Variants in RASSF8 observed in about 807,000 individuals in gnomAD.
RASSF8 encodes the protein Ras association domain family member 8.
A neutral mutation model predicts 48.5 loss-of-function variants in RASSF8; 22 were observed. The ratio of observed to expected loss-of-function variants is 0.45; its 90% CI spans 0.32 to 0.65. The LOEUF is 0.65. RASSF8 is among the 30% of genes least tolerant of loss of function. RASSF8 has a pLI of 0.03. For synonymous variants in RASSF8, 127 were observed against 171.5 expected (o/e 0.74, Z 2.03); for missense variants, 418 against 489.2 (o/e 0.85, Z 1.37).
At chr12:25,966,105 G>C (rs913174398) in intron 1 of RASSF8, among the ~76,000 whole-genome samples, 6 of 152,182 alleles carry the variant, frequency 3.9e-5, no homozygotes, top group Admixed American at 2.6e-4. Flanking sequence ...TTAAGAAACT[G>C]CCAAACTGTT....
chr12:26,057,335 T>A (rs1943629203), intron 3 of RASSF8, among the ~76,000 whole-genome samples: 1 of 152,072 alleles, frequency 6.6e-6, no homozygotes, highest in African/African-American at 2.4e-5. Flanking sequence ...TGTCCAAGTG[T>A]TCTCATTGTT....
intron 1 of RASSF8, among the ~76,000 whole-genome samples, chr12:25,984,187 A>G (rs1941813791): frequency 1.4e-5 from 2 of 147,256 alleles, no homozygotes; most frequent in African/African-American, 5.0e-5. Context: ...CAGCCTCCTC[A>G]GTAGCTGGGA....
intron 3 of RASSF8, among the ~76,000 whole-genome samples, chr12:26,058,543 C>T (rs1298674998): frequency 7.5e-5 from 4 of 53,400 alleles, no homozygotes. Context: ...CGCGCGCACA[C>T]ACACACACAC....
chr12:26,042,162 A>C (rs1943279098), intron 2 of RASSF8, among the ~76,000 whole-genome samples: 1 of 152,230 alleles, frequency 6.6e-6, no homozygotes, highest in African/African-American at 2.4e-5. Flanking sequence ...AGGATTTGTC[A>C]ACTGAGAAAA....
At chr12:26,066,371 T>C (rs1943875394) in intron 4 of RASSF8, among the ~76,000 whole-genome samples, 1 of 152,178 alleles carries the variant, frequency 6.6e-6, no homozygotes, top group Non-Finnish European at 1.5e-5. Flanking sequence ...TGAGAAGAGC[T>C]GCTTTAGAAC....
rs993868436 is a variant in RASSF8 at position 26,071,812 on chromosome 12, A to G, written c.*2994A>G. 3.1e-5 allele frequency: 28 copies of G among 894,578 alleles called. No individual in the cohort carries two copies. The highest frequency in any genetic ancestry group is 3.3e-5 in the Non-Finnish European group (26 of 782,608). 55.4% of individuals were successfully genotyped at this position (894,578 alleles called of 1,614,324 possible). A position where few individuals can be genotyped will look rare whatever the true frequency, so the allele number is the denominator to read the frequency against. ...GATAGAGTAAAAACTATATAAATAC[A>G]GTAAAAAAAAAATAGAATTTATGGT... On this transcript the variant is annotated 3_prime_UTR_variant, in exon 6 of 6. Coordinates refer to ENST00000689635, the MANE Select transcript of RASSF8 (RefSeq NM_001394098.1).
intron 1 of RASSF8, among the ~76,000 whole-genome samples, chr12:25,961,039 C>G (rs1383785816): frequency 6.6e-6 from 1 of 152,126 alleles, no homozygotes; most frequent in Non-Finnish European, 1.5e-5. Context: ...AAGGTTGCAA[C>G]CTTTTAACCT....
At chr12:25,981,495 A>G (rs1941743448) in intron 1 of RASSF8, among the ~76,000 whole-genome samples, 1 of 151,926 alleles carries the variant, frequency 6.6e-6, no homozygotes, top group Non-Finnish European at 1.5e-5. Context: ...CTGGTTGGCA[A>G]CTCCAGGATT....
At position 26,045,106 on chromosome 12, in the gene RASSF8, C is replaced by A. The variant is rs149403207; in HGVS notation, c.-108-10130C>A. ...ATAGAACAATCAAAATTATTCTTAA[C>A]CCTTAGAGATTAGGAAAAAACTAAC... On this transcript the variant is annotated intron_variant, in intron 2 of 5. Transcript: ENST00000689635. Among the ~76,000 whole-genome samples the A allele has an allele frequency of 9.2e-5, 14 of 152,204 alleles. No individual in the cohort carries two copies. The East Asian group carries it at 2.7e-3, about 29-fold the overall frequency.
At chr12:26,004,925 A>T (rs1308077885) in intron 2 of RASSF8, among the ~76,000 whole-genome samples, 3 of 152,228 alleles carry the variant, frequency 2.0e-5, no homozygotes, top group Non-Finnish European at 4.4e-5. Context: ...AGGCCAGAGC[A>T]GAAGGGTCAC....
At chr12:25,987,801 A>G (rs1244853899) in intron 1 of RASSF8, among the ~76,000 whole-genome samples, 2 of 152,134 alleles carry the variant, frequency 1.3e-5, no homozygotes, top group Non-Finnish European at 2.9e-5. Flanking sequence ...CTTTTTTAAA[A>G]AGAGAATGAA....
At chr12:26,002,635 C>T (rs1362491906) in intron 2 of RASSF8, among the ~76,000 whole-genome samples, 2 of 152,060 alleles carry the variant, frequency 1.3e-5, no homozygotes, top group South Asian at 2.1e-4. Flanking sequence ...ATTAGCCAAG[C>T]GTGGTGGCGC....
At chr12:26,010,401 T>A (rs562418128) in intron 2 of RASSF8, among the ~76,000 whole-genome samples, 73 of 152,258 alleles carry the variant, frequency 4.8e-4, no homozygotes, top group Admixed American at 9.8e-4. Flanking sequence ...AAGTGAGTCA[T>A]GCAGGAGGGC....
chr12:26,021,260 T>C (rs1473708305), intron 2 of RASSF8, among the ~76,000 whole-genome samples: 1 of 151,906 alleles, frequency 6.6e-6, no homozygotes, highest in Non-Finnish European at 1.5e-5. Context: ...TTTAAGAAAA[T>C]CTAAAACTTG....
chr12:26,076,961 C>T (rs560200938), downstream of RASSF8, among the ~76,000 whole-genome samples: 1 of 152,354 alleles, frequency 6.6e-6, no homozygotes, highest in Non-Finnish European at 1.5e-5. Flanking sequence ...GCCATTCTAA[C>T]TGGTGTGAGA....
chr12:25,968,359 T>G (rs1302359007), intron 1 of RASSF8, among the ~76,000 whole-genome samples: 1 of 152,346 alleles, frequency 6.6e-6, no homozygotes, highest in Non-Finnish European at 1.5e-5. Flanking sequence ...ATTTATTTTT[T>G]TGAGACAGAG....
chr12:26,016,206 GTT>G lies in RASSF8; in HGVS notation c.-109+21090_-109+21091del, dbSNP rs35863199. 3.0e-3 allele frequency among the ~76,000 whole-genome samples: 431 copies of G among 144,084 alleles called. 2 individuals are homozygous for G. Among genetic ancestry groups the G allele is most frequent in the African/African-American group, 8.1e-3 (320 of 39,368 alleles). The allele number at this position is 144,084 out of a possible 152,430, so 94.5% of individuals were successfully genotyped here. A position where few individuals can be genotyped will look rare whatever the true frequency, so the allele number is the denominator to read the frequency against. On this transcript the variant is annotated intron_variant, in intron 2 of 5. Coordinates refer to ENST00000689635, the MANE Select transcript of RASSF8 (RefSeq NM_001394098.1). Reference sequence around the variant, plus strand: ...TGGAGTTATTAAGGGCTGTTTTTGGGTTTTTTTTTTTTTTTATTTGTTTGTTT... The same window carrying G: ...TGGAGTTATTAAGGGCTGTTTTTGGGTTTTTTTTTTTTTATTTGTTTGTTT...
At chr12:26,030,291 G>GT (rs1943001442) in intron 2 of RASSF8, among the ~76,000 whole-genome samples, 1 of 152,046 alleles carries the variant, frequency 6.6e-6, no homozygotes, top group Admixed American at 6.6e-5. Context: ...AAAAGCCTTG[G>GT]TTTTTAAGTA....
intron 1 of RASSF8, among the ~76,000 whole-genome samples, chr12:25,960,677 C>T (rs1941210361): frequency 6.6e-6 from 1 of 151,818 alleles, no homozygotes; most frequent in Non-Finnish European, 1.5e-5. Flanking sequence ...TCATTTTTTT[C>T]CTCAAGAGTC....
Sources: allele counts gnomAD v4.1 joint callset (sites outside exome capture counted in the v4.1 genomes callset), GRCh38; gene constraint gnomAD v4.1.1; transcripts MANE v1.5; gene names NCBI Gene and HGNC (gene_info 2026-07-23, HGNC 2026-07-21).